Variants in SYNPR observed in about 807,000 individuals in gnomAD.
SYNPR encodes synaptoporin.
Under a neutral mutation model 32.9 loss-of-function variants are expected in SYNPR, and 23 were observed. The ratio of observed to expected loss-of-function variants is 0.70; its 90% CI spans 0.50 to 0.99. The LOEUF (loss-of-function observed/expected upper bound fraction) is 0.99. Among genes scored for constraint, SYNPR ranks in the 50% least tolerant of loss-of-function variants. The pLI is 0.00. For missense variants in SYNPR, 318 were observed against 349.3 expected, an observed-to-expected ratio of 0.91 and a Z score of 0.71; for synonymous variants, 146 against 135.9, an observed-to-expected ratio of 1.07 and a Z score of -0.52.
chr3:63,362,407 G>A (rs1369397813), intron 2 of SYNPR, among the ~76,000 whole-genome samples: 1 of 152,046 alleles, frequency 6.6e-6, no homozygotes, highest in Non-Finnish European at 1.5e-5. Flanking sequence ...ACCACTAAGT[G>A]ACAGGCACCA....
chr3:63,598,451 C>A (rs1026159093), intron 4 of SYNPR, among the ~76,000 whole-genome samples: 1 of 152,154 alleles, frequency 6.6e-6, no homozygotes, highest in African/African-American at 2.4e-5. Flanking sequence ...CAGGCTGCTT[C>A]CTTGATTGAG....
chr3:63,304,806 TCTTAAA>T (rs2086893959), intron 2 of SYNPR, among the ~76,000 whole-genome samples: 1 of 152,048 alleles, frequency 6.6e-6, no homozygotes, highest in African/African-American at 2.4e-5. Context: ...TTAATATTAA[TCTTAAA>T]CTTAATGTTA....
chr3:63,605,533 G>A (rs143044671), intron 4 of SYNPR, among the ~76,000 whole-genome samples: 114 of 152,242 alleles, frequency 7.5e-4, no homozygotes, highest in African/African-American at 2.5e-3. Flanking sequence ...GCTGCTATGC[G>A]TCAGGCACCA....
chr3:63,598,604 A>G (rs1699995216), intron 4 of SYNPR, among the ~76,000 whole-genome samples: 1 of 152,198 alleles, frequency 6.6e-6, no homozygotes, highest in Admixed American at 6.6e-5. Flanking sequence ...CTATGGGCAA[A>G]TAAATCTCTT....
chr3:63,556,861 C>A, intron 4 of SYNPR, 120 bp downstream of exon 4: 1 of 961,664 alleles, frequency 1.0e-6, no homozygotes, highest in Non-Finnish European at 1.5e-6. Context: ...AAATCACATT[C>A]TTTTTTATCC....
At chr3:63,224,273 A>G (rs1326740539), upstream of SYNPR, among the ~76,000 whole-genome samples, 2 of 152,144 alleles carry the variant, frequency 1.3e-5, no homozygotes, top group Admixed American at 1.3e-4. Flanking sequence ...TGCATGTGAG[A>G]GATCTAGGTT....
chr3:63,488,631 T>A (rs1295849470), intron 3 of SYNPR, among the ~76,000 whole-genome samples: 5 of 152,148 alleles, frequency 3.3e-5, no homozygotes, highest in African/African-American at 1.2e-4. Flanking sequence ...ATAATATGAG[T>A]TAGTCGTGTA....
At chr3:63,362,727 G>A (rs1437992477) in intron 2 of SYNPR, among the ~76,000 whole-genome samples, 1 of 152,126 alleles carries the variant, frequency 6.6e-6, no homozygotes, top group Non-Finnish European at 1.5e-5. Context: ...ATTAGGAAAG[G>A]CTTCCATGAG....
At chr3:63,552,417 T>C (rs1702519137) in intron 3 of SYNPR, among the ~76,000 whole-genome samples, 1 of 152,212 alleles carries the variant, frequency 6.6e-6, no homozygotes, top group Non-Finnish European at 1.5e-5. Context: ...AGGGGCTCTA[T>C]GATATAACCA....
intron 3 of SYNPR, among the ~76,000 whole-genome samples, chr3:63,540,628 T>C (rs536582267): frequency 6.6e-6 from 1 of 152,088 alleles, no homozygotes; most frequent in South Asian, 2.1e-4. Flanking sequence ...AATGTCCACC[T>C]CAGGACATAC....
intron 2 of SYNPR, among the ~76,000 whole-genome samples, chr3:63,323,829 T>C (rs1236042915): frequency 1.3e-5 from 2 of 152,178 alleles, no homozygotes; most frequent in African/African-American, 2.4e-5. Context: ...CCAAGAATTG[T>C]TGTTTTTCAC....
chr3:63,483,060 A>G (rs947968466), intron 3 of SYNPR, among the ~76,000 whole-genome samples: 1 of 152,248 alleles, frequency 6.6e-6, no homozygotes, highest in Non-Finnish European at 1.5e-5. Context: ...AACTGGAAGT[A>G]GGTATCAAGA....
At chr3:63,562,041 C>T (rs1702699845) in intron 4 of SYNPR, among the ~76,000 whole-genome samples, 1 of 152,154 alleles carries the variant, frequency 6.6e-6, no homozygotes, top group Admixed American at 6.5e-5. Context: ...CAGTAAGTGT[C>T]TTCATGTACA....
chr3:63,414,853 A>G (rs768795303), intron 2 of SYNPR, among the ~76,000 whole-genome samples: 1 of 152,122 alleles, frequency 6.6e-6, no homozygotes, highest in African/African-American at 2.4e-5. Flanking sequence ...TTATATACAT[A>G]TGTATATTTT....
intron 3 of SYNPR, among the ~76,000 whole-genome samples, chr3:63,502,533 C>A (rs1470061886): frequency 2.0e-5 from 3 of 152,136 alleles, no homozygotes; most frequent in African/African-American, 7.2e-5. Context: ...TGAAAATCCA[C>A]TGTGATCTGC....
At chr3:63,533,049 A>G (rs1702138482) in intron 3 of SYNPR, among the ~76,000 whole-genome samples, 2 of 152,122 alleles carry the variant, frequency 1.3e-5, no homozygotes, top group African/African-American at 2.4e-5. Context: ...TACCTCAATT[A>G]TAGCACTTAG....
intron 2 of SYNPR, among the ~76,000 whole-genome samples, chr3:63,286,787 G>A (rs954567283): frequency 6.6e-6 from 1 of 152,108 alleles, no homozygotes; most frequent in Admixed American, 6.5e-5. Flanking sequence ...TGAAAACTGG[G>A]GGCAATATCT....
the SYNPR span, among the ~76,000 whole-genome samples, chr3:63,209,738 A>G: frequency 2.2e-4 from 33 of 152,314 alleles, no homozygotes; most frequent in Admixed American, 4.6e-4. Context: ...TTCAAGGAAG[A>G]GTTCCCATGT....
intron 4 of SYNPR, among the ~76,000 whole-genome samples, chr3:63,582,883 G>A (rs1366455960): frequency 1.3e-5 from 2 of 152,014 alleles, no homozygotes; most frequent in Non-Finnish European, 1.5e-5. Context: ...TCCTATCACT[G>A]AGAATTTGAT....
Sources: gnomAD v4.1 joint callset for allele counts (sites outside exome capture counted in the v4.1 genomes callset) on GRCh38, gnomAD v4.1.1 for gene constraint, MANE v1.5 for transcripts, NCBI Gene and HGNC (gene_info 2026-07-23, HGNC 2026-07-21) for gene names.